PCDHGB5: variants seen among roughly 807,000 people sequenced by gnomAD.
PCDHGB5 encodes the protein protocadherin gamma subfamily B, 5, also known as protocadherin gamma-B5.
PCDHGB5 carries 48 observed loss-of-function variants against 62.9 expected under a neutral mutation model. That is an observed-to-expected ratio of 0.76 (90% CI 0.61 to 0.97). The LOEUF is 0.97. Among genes scored for constraint, PCDHGB5 ranks in the 50% least tolerant of loss-of-function variants. PCDHGB5 has a pLI of 0.00. For missense variants in PCDHGB5, 1,118 were observed against 1,198.6 expected (o/e 0.93, Z 0.99); for synonymous variants, 474 against 511.2 (o/e 0.93, Z 0.98).
intron 1 of PCDHGB5, chr5:141,420,181 T>C (rs1590216182): frequency 6.2e-7 from 1 of 1,613,998 alleles, no homozygotes; most frequent in Non-Finnish European, 8.5e-7. Context: ...TTGATCATTG[T>C]CCAGCCACAC....
At chr5:141,497,677 C>T in intron 2 of PCDHGB5, among the ~76,000 whole-genome samples, 1 of 151,836 alleles carries the variant, frequency 6.6e-6, no homozygotes, top group East Asian at 1.9e-4. Context: ...GTAGCTGGGA[C>T]AGCAGGTGTG....
chr5:141,415,455 G>A (rs571718366), intron 1 of PCDHGB5: 2 of 1,614,186 alleles, frequency 1.2e-6, no homozygotes, highest in African/African-American at 1.3e-5. Context: ...ATTCCCACGA[G>A]GTCTCTCTCA....
intron 1 of PCDHGB5, chr5:141,423,652 A>G (rs746768292): frequency 1.9e-6 from 3 of 1,583,268 alleles, no homozygotes; most frequent in Non-Finnish European, 2.6e-6. Flanking sequence ...TGACCCGACA[A>G]GTAATCAGGT....
At position 141,471,885 on chromosome 5, in the gene PCDHGB5, A is replaced by G. The variant is rs180968509; in HGVS notation, c.2398-22922A>G. ...ACTGTGGTTGCCTGAGGCTGAAGCT[A>G]GGAAGATTGACTACAGACAAGCATG... On this transcript the variant is annotated intron_variant, in intron 1 of 3. Transcript: ENST00000617380. Among the ~76,000 whole-genome samples the G allele has an allele frequency of 1.9e-3, 294 of 152,338 alleles. 1 individual carries two copies. Among genetic ancestry groups the G allele is most frequent in the Middle Eastern group, 0.017 (5 of 294 alleles).
Position 141,511,107 on chromosome 5 carries a change from G to A in PCDHGB5, c.2706G>A (p.Arg902=), listed in dbSNP as rs2099883608. 1 of 1,614,220 alleles carries A rather than the reference G, an allele frequency of 6.2e-7. No homozygotes were observed. Among genetic ancestry groups the A allele is most frequent in the Non-Finnish European group, 8.5e-7 (1 of 1,180,020 alleles). Residue 902 remains arginine, a synonymous_variant, in exon 4 of 4, where the codon CGG becomes CGA. Coordinates refer to ENST00000617380, the MANE Select transcript of PCDHGB5 (RefSeq NM_018925.3). Reference sequence around the variant, plus strand: ...CACTGACCAACGCAGCTGGCAAGCGGGATGGCAAGGCCCCAGCAGGTGGCA... The same window carrying A: ...CACTGACCAACGCAGCTGGCAAGCGAGATGGCAAGGCCCCAGCAGGTGGCA... The part of the protein sequence containing the change: ...NATLTNAAGK[R]DGKAPAGGNG...
chr5:141,429,374 TG>T (rs2097206438), intron 1 of PCDHGB5, among the ~76,000 whole-genome samples: 1 of 145,410 alleles, frequency 6.9e-6, no homozygotes, highest in South Asian at 2.2e-4. Context: ...ATGGAGAAAA[TG>T]TGTTTTTTTT....
chr5:141,451,112 G>A (rs776356458), intron 1 of PCDHGB5, among the ~76,000 whole-genome samples: 9 of 152,236 alleles, frequency 5.9e-5, no homozygotes, highest in Admixed American at 1.3e-4. Flanking sequence ...ACAGGCGTGA[G>A]CCACCACACC....
At chr5:141,415,740 G>GTTTTTTT (rs57426385) in intron 1 of PCDHGB5, 164 of 624,990 alleles carry the variant, frequency 2.6e-4, no homozygotes, top group African/African-American at 5.0e-4. Flanking sequence ...GTTTATTAAG[G>GTTTTTTT]TTTTTTTTTT....
chr5:141,496,144 T>C (rs1478887814), intron 2 of PCDHGB5, among the ~76,000 whole-genome samples: 1 of 151,780 alleles, frequency 6.6e-6, no homozygotes, highest in Non-Finnish European at 1.5e-5. Context: ...GAGCCTTTGA[T>C]CGCAGCTCTC....
rs772000812 is a variant in PCDHGB5, at chr5:141,478,304, C to T, written c.2398-16503C>T. The T allele has an allele frequency of 8.1e-6, 13 of 1,614,108 alleles. No individual in the cohort carries two copies. In the Middle Eastern group the frequency reaches 1.2e-3, roughly 143 times the overall value. On this transcript the variant is annotated intron_variant, in intron 1 of 3. Coordinates refer to ENST00000617380, the MANE Select transcript of PCDHGB5 (RefSeq NM_018925.3). The stretch of plus-strand genomic sequence containing the variant: ...GCAGTCTAGAGACCTATACCGAGCC[C>T]CGGTGAGCTCACTGTACCGAACACC...
Position 141,432,466 on chromosome 5 carries a change from G to A in PCDHGB5, c.2397+31942G>A, listed in dbSNP as rs149116648. 5.7e-4 allele frequency: 913 copies of A among 1,614,208 alleles called. 6 individuals carry two copies. In the African/African-American group the frequency reaches 0.011, roughly 19 times the overall value. On this transcript the variant is annotated intron_variant, in intron 1 of 3. Transcript: ENST00000617380. This position sits in a 1 kb window ranked among gnomAD's most constrained non-coding sequence, Gnocchi z 6.0. The stretch of plus-strand genomic sequence containing the variant: ...AGATCCTGTACCCCGCCCTCCCCAC[G>A]GACGGTTCCACTGGCGTGGAGCTGG...
chr5:141,465,505 G>C (rs905617997), intron 1 of PCDHGB5, among the ~76,000 whole-genome samples: 1 of 152,190 alleles, frequency 6.6e-6, no homozygotes, highest in Non-Finnish European at 1.5e-5. Context: ...CATTGTCGTG[G>C]TCAGGAAGGA....
At chr5:141,419,773 C>G (rs2096431068) in intron 1 of PCDHGB5, 1 of 1,613,916 alleles carries the variant, frequency 6.2e-7, no homozygotes, top group Non-Finnish European at 8.5e-7. Context: ...AGGACTCGGT[C>G]CGCCAGCGCC....
intron 1 of PCDHGB5, chr5:141,430,693 C>A: frequency 1.4e-6 from 2 of 1,425,428 alleles, no homozygotes; most frequent in Admixed American, 2.6e-5. Context: ...ATTCTATGGG[C>A]GAAGGAACTG....
chr5:141,458,464 G>A (rs1035826436), intron 1 of PCDHGB5, among the ~76,000 whole-genome samples: 30 of 152,030 alleles, frequency 2.0e-4, no homozygotes, highest in Admixed American at 9.8e-4. Flanking sequence ...TTAAAATACC[G>A]TACAACTGCA....
At chr5:141,405,632 G>A (rs1487962714) in intron 1 of PCDHGB5, 9 of 530,162 alleles carry the variant, frequency 1.7e-5, no homozygotes, top group African/African-American at 1.2e-4. Flanking sequence ...GTGCCACCAC[G>A]CCCGGCTAAT....
In PCDHGB5 at chr5:141,477,362, G is replaced by T. The variant is rs920445601; in HGVS notation, c.2398-17445G>T. 6.2e-7 allele frequency: 1 copy of T among 1,614,142 alleles called. No individual in the cohort carries two copies. The highest frequency in any genetic ancestry group is 1.3e-5 in the African/African-American group (1 of 75,022). On this transcript the variant is annotated intron_variant, in intron 1 of 3. Coordinates refer to ENST00000617380, the MANE Select transcript of PCDHGB5 (RefSeq NM_018925.3). The surrounding 1 kb of genome is among the most constrained non-coding windows in gnomAD (Gnocchi z 4.9). ...CACTTTGAAAACCAGTGCAGACCTG[G>T]ATCGGGAGACTGTGCCAGAATACAA...
chr5:141,472,290 C>T (rs2099275934), intron 1 of PCDHGB5, among the ~76,000 whole-genome samples: 2 of 152,096 alleles, frequency 1.3e-5, no homozygotes, highest in Admixed American at 6.6e-5. Flanking sequence ...ACCTGTAATC[C>T]CAGCACTTTG....
intron 1 of PCDHGB5, chr5:141,428,285 C>CA (rs2097130658): frequency 2.7e-6 from 2 of 734,934 alleles, no homozygotes; most frequent in Non-Finnish European, 4.7e-6. Context: ...GATTCCCAAG[C>CA]AAAGCTGCAG....
Sources: gnomAD v4.1 joint callset for allele counts (sites outside exome capture counted in the v4.1 genomes callset) on GRCh38, gnomAD v4.1.1 for gene constraint, Gnocchi (gnomAD v3.1) non-coding constraint, MANE v1.5 for transcripts, NCBI Gene and HGNC (gene_info 2026-07-23, HGNC 2026-07-21) for gene names.